Variants in ROMO1 observed in about 807,000 individuals in gnomAD.
ROMO1 encodes reactive oxygen species modulator 1.
A neutral mutation model predicts 7.4 loss-of-function variants in ROMO1; 8 were observed. That is an observed-to-expected ratio of 1.08 (90% CI 0.63 to 1.95). ROMO1 has a LOEUF of 1.95. Ranked by LOEUF, ROMO1 falls within the 30% of genes most tolerant of loss-of-function variation. The probability of loss-of-function intolerance (pLI) is 0.00; values close to 1 mark genes in which losing one functional copy is unlikely to be tolerated. For missense variants in ROMO1, 91 were observed against 115.9 expected, an observed-to-expected ratio of 0.79 and a Z score of 0.99; for synonymous variants, 43 against 41.4, an observed-to-expected ratio of 1.04 and a Z score of -0.15.
chr20:35,700,149 A>AT (rs1032478157), intron 2 of ROMO1, among the ~76,000 whole-genome samples: 7 of 150,908 alleles, frequency 4.6e-5, no homozygotes, highest in Admixed American at 6.6e-5. Flanking sequence ...TGTTGCTTTT[A>AT]TTTTTTTTTC....
chr20:35,700,648 C>A (rs745802367), intron 2 of ROMO1, 150 bp from the exon 3 acceptor site: 94 of 656,654 alleles, frequency 1.4e-4, no homozygotes, highest in Non-Finnish European at 2.4e-4. Context: ...TCTCATTACC[C>A]ACCCCAGGTA....
Position 35,699,909 on chromosome 20 carries a change from A to C in ROMO1, c.131+146A>C. 2.8e-6 allele frequency: 3 copies of C among 1,085,894 alleles called. No individual in the cohort carries two copies. Among genetic ancestry groups the C allele is most frequent in the Non-Finnish European group, 3.9e-6 (3 of 775,792 alleles). 67.3% of individuals were successfully genotyped at this position (1,085,894 alleles called of 1,614,324 possible). On this transcript the variant is annotated intron_variant, in intron 2 of 2. Coordinates refer to ENST00000374077, the MANE Select transcript of ROMO1 (RefSeq NM_080748.3). This position sits in a 1 kb window ranked among gnomAD's most constrained non-coding sequence, Gnocchi z 4.4. ...CCAGACTCATTCCAAACCACCTTCAATCTGTAAAGTCAGGTTGGAAGCGTC... is the reference window on the plus strand; with the variant it reads ...CCAGACTCATTCCAAACCACCTTCACTCTGTAAAGTCAGGTTGGAAGCGTC...
At chr20:35,700,496 CTT>C (rs2035242111) in intron 2 of ROMO1, among the ~76,000 whole-genome samples, 1 of 152,140 alleles carries the variant, frequency 6.6e-6, no homozygotes, top group Non-Finnish European at 1.5e-5. Flanking sequence ...TTTATTGGGT[CTT>C]AAACTGCAGG....
In ROMO1 at chr20:35,699,432, C is replaced by A; in HGVS notation, c.-25C>A. 2 of 1,169,760 alleles carry A rather than the reference C, an allele frequency of 1.7e-6. No homozygotes were observed. Among genetic ancestry groups the A allele is most frequent in the South Asian group, 1.6e-5 (1 of 63,938 alleles). 72.5% of individuals were successfully genotyped at this position (1,169,760 alleles called of 1,614,324 possible). On this transcript the variant is annotated 5_prime_UTR_variant, in exon 1 of 3. Coordinates refer to ENST00000374077, the MANE Select transcript of ROMO1 (RefSeq NM_080748.3). This position sits in a 1 kb window ranked among gnomAD's most constrained non-coding sequence, Gnocchi z 4.4. Reference sequence around the variant, plus strand: ...TTTCCGTGAGAGACGTAGAGCTGAGCGACCCAGCCCGCGAGCGAGGTGAGG... The same window carrying A: ...TTTCCGTGAGAGACGTAGAGCTGAGAGACCCAGCCCGCGAGCGAGGTGAGG...
intron 2 of ROMO1, among the ~76,000 whole-genome samples, chr20:35,700,439 A>C (rs947325623): frequency 1.3e-5 from 2 of 152,018 alleles, no homozygotes; most frequent in Non-Finnish European, 2.9e-5. Flanking sequence ...TTGAACCCCC[A>C]CCTTACTCCA....
In ROMO1 at chr20:35,700,966, G is replaced by A; in HGVS notation, c.*60G>A. ...AATCCCAGCCCATGTACTAATAAAA[G>A]AAAGTCTTTGAGTAGTCAGTGTCCC... On this transcript the variant is annotated 3_prime_UTR_variant, in exon 3 of 3. Transcript: ENST00000374077. 8.2e-7 allele frequency: 1 copy of A among 1,221,036 alleles called. No individual in the cohort carries two copies. Among genetic ancestry groups the A allele is most frequent in the Non-Finnish European group, 1.2e-6 (1 of 822,318 alleles). The allele number at this position is 1,221,036 out of a possible 1,614,324, so 75.6% of individuals were successfully genotyped here.
Position 35,699,464 on chromosome 20 carries a change from C to T in ROMO1, c.-1+8C>T. On this transcript the variant is annotated splice_region_variant and intron_variant, in intron 1 of 2. Transcript: ENST00000374077. The surrounding 1 kb of genome is among the most constrained non-coding windows in gnomAD (Gnocchi z 4.4). ...GCCCGCGAGCGAGGTGAGGTAGGCG[C>T]CGGGCGACGCGGGGCCGGAACGCGA... The T allele has an allele frequency of 8.3e-7, 1 of 1,209,554 alleles. No homozygotes were observed. The highest frequency in any genetic ancestry group is 1.5e-5 in the African/African-American group (1 of 65,204). The allele number at this position is 1,209,554 out of a possible 1,614,324, so 74.9% of individuals were successfully genotyped here.
intron 2 of ROMO1, among the ~76,000 whole-genome samples, chr20:35,700,247 TA>T (rs2035234626): frequency 6.6e-6 from 1 of 152,234 alleles, no homozygotes; most frequent in Non-Finnish European, 1.5e-5. Flanking sequence ...CTTTACACTC[TA>T]AAGGTCATTT....
Position 35,699,505 on chromosome 20 carries a change from C to G in ROMO1, c.-1+49C>G. On this transcript the variant is annotated intron_variant, in intron 1 of 2. Transcript: ENST00000374077. The surrounding 1 kb of genome is among the most constrained non-coding windows in gnomAD (Gnocchi z 4.4). ...CGGAACGCGAAGAGGGTGGTGGAGT[C>G]GGGCTACCCACTGATTTTCCTTCCC... The G allele has an allele frequency of 7.3e-7, 1 of 1,367,586 alleles. No individual in the cohort carries two copies. Among genetic ancestry groups the G allele is most frequent in the Non-Finnish European group, 1.0e-6 (1 of 997,908 alleles). 84.7% of individuals were successfully genotyped at this position (1,367,586 alleles called of 1,614,324 possible).
intron 2 of ROMO1, among the ~76,000 whole-genome samples, chr20:35,700,480 GAT>G (rs1835253577): frequency 6.6e-6 from 1 of 152,144 alleles, no homozygotes; most frequent in Admixed American, 6.5e-5. Flanking sequence ...CTAAAAGACA[GAT>G]GTCTTTATTG....
intron 2 of ROMO1, among the ~76,000 whole-genome samples, chr20:35,700,063 T>C (rs761202501): frequency 9.9e-5 from 15 of 152,184 alleles, no homozygotes; most frequent in Admixed American, 2.0e-4. Flanking sequence ...ATCTAACTTA[T>C]AGAGTTGTAA....
Position 35,700,835 on chromosome 20 carries a change from G to A in ROMO1, c.169G>A (p.Gly57Arg), listed in dbSNP as rs1339551083. The change falls in exon 3 of 3, where the codon GGG becomes AGG. Residue 57 changes from glycine to arginine, a missense_variant. Transcript: ENST00000374077. The stretch of plus-strand genomic sequence containing the variant: ...GGGTCGAGAGCTGATGGGCGGCATT[G>A]GGAAAACCATGATGCAGAGTGGCGG... ...MRGRELMGGIGKTMMQSGGTF... is the reference protein window; with the variant it reads ...MRGRELMGGIRKTMMQSGGTF... 4 of 1,614,108 alleles carry A rather than the reference G, an allele frequency of 2.5e-6. No individual in the cohort carries two copies. The highest frequency in any genetic ancestry group is 1.3e-5 in the African/African-American group (1 of 74,928).
intron 2 of ROMO1, among the ~76,000 whole-genome samples, chr20:35,700,447 C>T (rs921786017): frequency 3.3e-5 from 5 of 151,988 alleles, no homozygotes; most frequent in Non-Finnish European, 7.4e-5. Flanking sequence ...CCACCTTACT[C>T]CAAAATCATT....
chr20:35,700,647 C>A lies in ROMO1; in HGVS notation c.132-151C>A. 7.6e-6 allele frequency: 5 copies of A among 655,782 alleles called. No homozygotes were observed. The South Asian group carries it at 9.0e-5, about 12-fold the overall frequency. 40.6% of individuals were successfully genotyped at this position (655,782 alleles called of 1,614,324 possible). On this transcript the variant is annotated intron_variant, in intron 2 of 2. Coordinates refer to ENST00000374077, the MANE Select transcript of ROMO1 (RefSeq NM_080748.3). ...GATGGATCTTTTTCCTTCTCATTAC[C>A]CACCCCAGGTAGTAAGATATAATAT... is the stretch of plus-strand genomic sequence containing the variant.
chr20:35,700,771 A>ATAGC (rs1349785858), intron 2 of ROMO1, 27 bp from the exon 3 acceptor site: 1 of 1,594,370 alleles, frequency 6.3e-7, no homozygotes, highest in Non-Finnish European at 8.6e-7. Flanking sequence ...TTGTTACCAA[A>ATAGC]TAGCTCCATC....
chr20:35,700,748 C>A, intron 2 of ROMO1, 50 bp from the exon 3 acceptor site: 1 of 1,512,952 alleles, frequency 6.6e-7, no homozygotes, highest in Non-Finnish European at 9.2e-7. Flanking sequence ...AGTTAATACT[C>A]TTTCTGATAT....
chr20:35,700,817 G>C lies in ROMO1; in HGVS notation c.151G>C (p.Glu51Gln). 1 of 1,614,188 alleles carries C rather than the reference G, an allele frequency of 6.2e-7. No individual in the cohort carries two copies. Among genetic ancestry groups the C allele is most frequent in the South Asian group, 1.1e-5 (1 of 91,086 alleles). ...CCTCAGGATCGGAATGCGGGGTCGA[G>C]AGCTGATGGGCGGCATTGGGAAAAC... ...SCLRIGMRGR[E>Q]LMGGIGKTMM... Residue 51 changes from glutamate (E) to glutamine (Q), a missense_variant, in exon 3 of 3, where the codon GAG (glutamate) becomes CAG (glutamine). Glu to Gln is a conservative substitution (Grantham distance 29). Transcript: ENST00000374077.
Position 35,699,626 on chromosome 20 carries a change from C to T in ROMO1, c.1-7C>T, listed in dbSNP as rs1362853411. The T allele has an allele frequency of 6.2e-7, 1 of 1,612,494 alleles. No individual in the cohort carries two copies. The highest frequency in any genetic ancestry group is 1.7e-5 in the Admixed American group (1 of 60,022). On this transcript the variant is annotated splice_polypyrimidine_tract_variant and splice_region_variant and intron_variant, in intron 1 of 2. Coordinates refer to ENST00000374077, the MANE Select transcript of ROMO1 (RefSeq NM_080748.3). This position sits in a 1 kb window ranked among gnomAD's most constrained non-coding sequence, Gnocchi z 4.4. ...CGCCTGGGCCCACACTTTCCTATCC[C>T]CCGCAGATGCCGGTGGCCGTGGGTC...
chr20:35,700,288 C>A (rs756577819), intron 2 of ROMO1, among the ~76,000 whole-genome samples: 33 of 152,106 alleles, frequency 2.2e-4, no homozygotes, highest in Middle Eastern at 3.4e-3. Context: ...TTGCCATATC[C>A]CTAGATTGTA....
Sources: allele counts gnomAD v4.1 joint callset (sites outside exome capture counted in the v4.1 genomes callset), GRCh38; gene constraint gnomAD v4.1.1; non-coding constraint Gnocchi (gnomAD v3.1); transcripts MANE v1.5; gene names NCBI Gene and HGNC (gene_info 2026-07-23, HGNC 2026-07-21).